The following ZNF454 variants were observed in gnomAD, a reference collection of about 807,000 sequenced individuals.
ZNF454 encodes zinc finger protein 454.
ZNF454 carries 30 observed loss-of-function variants against 48.2 expected under a neutral mutation model. The observed-to-expected ratio is 0.62, with a 90% CI of 0.47 to 0.84. The LOEUF (loss-of-function observed/expected upper bound fraction) is 0.84. Ranked by LOEUF, ZNF454 falls within the 40% of genes least tolerant of loss-of-function variation. The pLI is 0.00. For missense variants in ZNF454, 510 were observed against 623.1 expected, an observed-to-expected ratio of 0.82 and a Z score of 1.93; for synonymous variants, 204 against 211.4, an observed-to-expected ratio of 0.97 and a Z score of 0.30.
At chr5:178,987,407 C>T in the ZNF454 span, 1 of 459,814 alleles carries the variant, frequency 2.2e-6, no homozygotes, top group South Asian at 1.5e-5. Flanking sequence ...TGAAAGCAAC[C>T]CGAGCGTCCA....
downstream of ZNF454, among the ~76,000 whole-genome samples, chr5:178,967,563 A>G (rs1191058824): frequency 3.9e-5 from 6 of 152,190 alleles, no homozygotes; most frequent in African/African-American, 1.2e-4. Flanking sequence ...TCCACTATTT[A>G]AAGACTCATG....
Position 178,942,822 on chromosome 5 carries a change from C to T in ZNF454, c.31C>T (p.Gln11Ter). Residue 11 changes from glutamine to a stop codon, truncating the protein, a stop_gained and splice_region_variant, in exon 2 of 5, where the codon CAG becomes TAG. Coordinates refer to ENST00000519564, the MANE Select transcript of ZNF454 (RefSeq NM_001178089.3). LOFTEE classifies it high-confidence loss of function. MAVSHLPTMVQESVTFKDVAI... is the reference protein window; with the variant it reads MAVSHLPTMV The stretch of plus-strand genomic sequence containing the variant: ...TGTCAGCCACCTGCCAACCATGGTC[C>T]AGGTGAGTGGGGGTTTCTTCCCCCT... The T allele has an allele frequency of 3.1e-6, 5 of 1,613,328 alleles. No individual in the cohort carries two copies. The highest frequency in any genetic ancestry group is 4.2e-6 in the Non-Finnish European group (5 of 1,179,700).
chr5:178,965,107 C>T lies in ZNF454; in HGVS notation c.703C>T (p.Gln235Ter), dbSNP rs1254741462. Residue 235 changes from glutamine (Q) to a stop codon, truncating the protein, a stop_gained, in exon 5 of 5, where the codon CAA (glutamine) becomes TAA (stop). Coordinates refer to ENST00000519564, the MANE Select transcript of ZNF454 (RefSeq NM_001178089.3). LOFTEE classifies it high-confidence loss of function. The surrounding 1 kb of genome is among the most constrained non-coding windows in gnomAD (Gnocchi z 5.2). ...FHQSTHLIHHQRIHTGEKPYE... is the reference protein window; with the variant it reads ...FHQSTHLIHH ...CCAGAGTACGCACCTTATCCATCAC[C>T]AAAGAATTCACACTGGCGAGAAACC... The T allele has an allele frequency of 8.1e-6, 13 of 1,614,010 alleles. No homozygotes were observed. The highest frequency in any genetic ancestry group is 1.0e-5 in the Non-Finnish European group (12 of 1,180,042).
At chr5:178,985,717 A>AC in the ZNF454 span, 19 of 419,656 alleles carry the variant, frequency 4.5e-5, no homozygotes, top group South Asian at 2.6e-4. Flanking sequence ...AAAAAAAACA[A>AC]AACAACACAG....
At position 178,965,513 on chromosome 5, in the gene ZNF454, C is replaced by G. The variant is rs929797804; in HGVS notation, c.1109C>G (p.Ser370Cys). Residue 370 changes from serine to cysteine, a missense_variant, in exon 5 of 5, where the codon TCC becomes TGC. This residue lies in a region of ZNF454 where 153 missense variants were observed against 195.8 expected (regional missense o/e 0.78). Coordinates refer to ENST00000519564, the MANE Select transcript of ZNF454 (RefSeq NM_001178089.3). The surrounding 1 kb of genome is among the most constrained non-coding windows in gnomAD (Gnocchi z 5.2). ...ECGKAFRVNS[S>C]LTEHQRIHTG... ...GGGAAGGCCTTCAGGGTGAACTCTT[C>G]CCTTACTGAACATCAGAGAATTCAT... The G allele has an allele frequency of 7.4e-6, 12 of 1,613,818 alleles. No homozygotes were observed. Among genetic ancestry groups the G allele is most frequent in the Non-Finnish European group, 9.3e-6 (11 of 1,179,960 alleles).
chr5:178,983,580 G>A, the ZNF454 span: 1 of 435,636 alleles, frequency 2.3e-6, no homozygotes, highest in Admixed American at 2.6e-5. Flanking sequence ...AAGGTAGATG[G>A]ATGTGGCCGG....
chr5:178,949,119 G>C lies in ZNF454; in HGVS notation c.250+2133G>C, dbSNP rs1037960247. 6.6e-5 allele frequency among the ~76,000 whole-genome samples: 10 copies of C among 151,894 alleles called. No individual in the cohort carries two copies. The East Asian group carries it at 1.9e-3, about 29-fold the overall frequency. On this transcript the variant is annotated intron_variant, in intron 4 of 4. Transcript: ENST00000519564. Reference sequence around the variant, plus strand: ...GGCTGGAGTGCAGTGGTGCAGTCTCGGCTAACTGCAACCTCCGTTCTCCCG... The same window carrying C: ...GGCTGGAGTGCAGTGGTGCAGTCTCCGCTAACTGCAACCTCCGTTCTCCCG...
the ZNF454 span, chr5:178,983,620 C>T: frequency 5.5e-5 from 21 of 379,502 alleles, no homozygotes; most frequent in African/African-American, 3.3e-4. Context: ...CTACTCGCAT[C>T]GCCTCTCTAG....
chr5:178,985,715 C>T, the ZNF454 span: 1 of 383,942 alleles, frequency 2.6e-6, no homozygotes, highest in South Asian at 1.9e-5. Flanking sequence ...AAAAAAAAAA[C>T]AAAACAACAC....
At position 178,941,823 on chromosome 5, in the gene ZNF454, A is replaced by G. The variant is rs890262810; in HGVS notation, c.-108+379A>G. Among the ~76,000 whole-genome samples the G allele has an allele frequency of 3.9e-5, 6 of 152,076 alleles. No homozygotes were observed. Among genetic ancestry groups the G allele is most frequent in the African/African-American group, 1.4e-4 (6 of 41,422 alleles). ...CCACCCGTGACTCCAGGCCACCCAG[A>G]CTGGGCCCCAGAGAGTGAGAACACT... On this transcript the variant is annotated intron_variant, in intron 1 of 4. Coordinates refer to ENST00000519564, the MANE Select transcript of ZNF454 (RefSeq NM_001178089.3). This position sits in a 1 kb window ranked among gnomAD's most constrained non-coding sequence, Gnocchi z 5.5.
At chr5:178,989,055 C>A in the ZNF454 span, 3 of 1,613,922 alleles carry the variant, frequency 1.9e-6, no homozygotes, top group Non-Finnish European at 2.5e-6. Context: ...AGGGCGTGGG[C>A]AATGGCGTAC....
the ZNF454 span, chr5:178,981,474 C>T: frequency 3.4e-6 from 2 of 592,394 alleles, no homozygotes; most frequent in South Asian, 4.0e-5. This position sits in a 1 kb window ranked among gnomAD's most constrained non-coding sequence, Gnocchi z 5.1. Context: ...AGCTCACATG[C>T]TGGAATCGGG....
chr5:178,949,294 C>T (rs1289077874), intron 4 of ZNF454, among the ~76,000 whole-genome samples: 3 of 152,018 alleles, frequency 2.0e-5, no homozygotes, highest in Admixed American at 6.6e-5. Context: ...TCTGGTGATC[C>T]GCCCCCCTCA....
At chr5:178,986,365 C>A in the ZNF454 span, 6 of 1,613,976 alleles carry the variant, frequency 3.7e-6, no homozygotes, top group East Asian at 1.3e-4. Context: ...GAGGAAGATG[C>A]CGGTGAGGAG....
intron 4 of ZNF454, among the ~76,000 whole-genome samples, chr5:178,961,339 C>T (rs1194317511): frequency 1.4e-5 from 2 of 148,138 alleles, no homozygotes; most frequent in African/African-American, 5.1e-5. Flanking sequence ...AATTCCTTGT[C>T]CTTTTTTCCT....
chr5:178,948,134 C>G (rs775276815), intron 4 of ZNF454: 3 of 151,984 alleles, frequency 2.0e-5, no homozygotes, highest in Non-Finnish European at 1.5e-5. Flanking sequence ...AGCATGGTGT[C>G]GAATTCCTGA....
chr5:178,986,478 CAGG>C, the ZNF454 span: 1 of 1,611,902 alleles, frequency 6.2e-7, no homozygotes, highest in Non-Finnish European at 8.5e-7. Flanking sequence ...CCAGCACGGC[CAGG>C]AGGAGCGGCG....
chr5:178,982,980 ATGG>A, the ZNF454 span: 1 of 1,614,178 alleles, frequency 6.2e-7, no homozygotes. Context: ...GGTGGTGTAC[ATGG>A]TGAAGCCGAT....
At chr5:178,954,486 T>C (rs1270401461) in intron 4 of ZNF454, among the ~76,000 whole-genome samples, 1 of 152,226 alleles carries the variant, frequency 6.6e-6, no homozygotes, top group Non-Finnish European at 1.5e-5. Context: ...TTGGTGTATG[T>C]GCTTTTTGAC....
Sources: gnomAD v4.1 joint callset for allele counts (sites outside exome capture counted in the v4.1 genomes callset) on GRCh38, gnomAD v4.1.1 for gene constraint, gnomAD v4.1.1 regional missense constraint, Gnocchi (gnomAD v3.1) non-coding constraint, MANE v1.5 for transcripts, NCBI Gene and HGNC (gene_info 2026-07-23, HGNC 2026-07-21) for gene names.